The following FSTL5 variants were observed in gnomAD, a reference collection of about 807,000 sequenced individuals.
The protein encoded by FSTL5 is follistatin like 5, also known as follistatin-related protein 5.
Under a neutral mutation model 89.1 loss-of-function variants are expected in FSTL5, and 62 were observed. That is an observed-to-expected ratio of 0.70 (90% CI 0.57 to 0.86). The LOEUF is 0.86. FSTL5 is among the 40% of genes least tolerant of loss of function. The pLI is 0.00. For missense variants in FSTL5, 1,057 were observed against 1,001.6 expected (o/e 1.06, Z -0.75); for synonymous variants, 383 against 346.2 (o/e 1.11, Z -1.18).
intron 8 of FSTL5, among the ~76,000 whole-genome samples, chr4:161,585,829 T>A (rs1029068431): frequency 6.6e-6 from 1 of 152,156 alleles, no homozygotes; most frequent in African/African-American, 2.4e-5. Context: ...AGATTGTGTA[T>A]CAGCAGGTAC....
At chr4:161,988,244 C>A (rs887517502) in intron 3 of FSTL5, among the ~76,000 whole-genome samples, 1 of 151,830 alleles carries the variant, frequency 6.6e-6, no homozygotes, top group African/African-American at 2.4e-5. Context: ...CTGGAAATCA[C>A]AAAACATGAG....
At chr4:162,045,372 T>A (rs1158141411) in intron 2 of FSTL5, among the ~76,000 whole-genome samples, 1 of 152,070 alleles carries the variant, frequency 6.6e-6, no homozygotes, top group Non-Finnish European at 1.5e-5. Context: ...ATCATAAAGG[T>A]GCAGTTCAGT....
intron 6 of FSTL5, among the ~76,000 whole-genome samples, chr4:161,664,565 A>AT (rs969765737): frequency 6.6e-6 from 1 of 152,068 alleles, no homozygotes; most frequent in Non-Finnish European, 1.5e-5. Context: ...CACCATCAGC[A>AT]TTTTTGTCAA....
At chr4:161,487,751 T>C (rs1560919646) in intron 12 of FSTL5, among the ~76,000 whole-genome samples, 1 of 152,088 alleles carries the variant, frequency 6.6e-6, no homozygotes, top group African/African-American at 2.4e-5. Flanking sequence ...TCTGAGTCTA[T>C]TGCTGTAAAT....
intron 15 of FSTL5, 45 bp downstream of exon 15, chr4:161,454,959 T>C (rs1733296725): frequency 1.3e-6 from 2 of 1,569,908 alleles, no homozygotes; most frequent in Admixed American, 1.7e-5. Flanking sequence ...TCTATTATAA[T>C]AGAGACAAAT....
In FSTL5 at chr4:161,984,862, G is replaced by C. The variant is rs541980650; in HGVS notation, c.160+48763C>G. Among the ~76,000 whole-genome samples the C allele has an allele frequency of 2.0e-5, 3 of 152,080 alleles. No homozygotes were observed. In the South Asian group the frequency reaches 6.2e-4, roughly 32 times the overall value. ...TAGTTTTTTAAAATTCAGATTCCTT[G>C]GCCCTAGTCAGAACCACTAAATCAA... is the stretch of plus-strand genomic sequence containing the variant. On this transcript the variant is annotated intron_variant, in intron 3 of 15. Transcript: ENST00000306100.
chr4:161,442,579 C>A (rs1732810165), intron 15 of FSTL5, among the ~76,000 whole-genome samples: 1 of 152,036 alleles, frequency 6.6e-6, no homozygotes, highest in South Asian at 2.1e-4. Context: ...GTAAATTTTT[C>A]TTTTATGAAG....
intron 15 of FSTL5, among the ~76,000 whole-genome samples, chr4:161,436,702 T>C (rs534550279): frequency 1.3e-5 from 2 of 152,328 alleles, no homozygotes; most frequent in Admixed American, 1.3e-4. Context: ...AAACCCTTCA[T>C]CTATGCCTAT....
intron 6 of FSTL5, among the ~76,000 whole-genome samples, chr4:161,657,883 C>T (rs903003428): frequency 1.3e-5 from 2 of 152,130 alleles, no homozygotes; most frequent in Non-Finnish European, 2.9e-5. Flanking sequence ...TACTCACACT[C>T]CTATTCTGTT....
chr4:161,449,261 TAATC>T (rs566266143), intron 15 of FSTL5, among the ~76,000 whole-genome samples: 5 of 152,250 alleles, frequency 3.3e-5, no homozygotes, highest in South Asian at 4.1e-4. Context: ...AGACACTACA[TAATC>T]AACCAATGAA....
chr4:161,467,496 G>A (rs892293942), intron 13 of FSTL5, among the ~76,000 whole-genome samples: 14 of 152,042 alleles, frequency 9.2e-5, no homozygotes, highest in Non-Finnish European at 1.6e-4. Flanking sequence ...TATACACTTA[G>A]GTTACTAGGA....
intron 6 of FSTL5, among the ~76,000 whole-genome samples, chr4:161,717,966 C>A (rs556702487): frequency 6.6e-6 from 1 of 152,058 alleles, no homozygotes; most frequent in African/African-American, 2.4e-5. Context: ...TATGTGCAGT[C>A]ACTTATTGTA....
rs1732948140 is a variant in FSTL5, at chr4:162,145,720, G to A, written c.-17+17895C>T. On this transcript the variant is annotated intron_variant, in intron 1 of 15. Transcript: ENST00000306100. ...AGTCACATGGCCATACCTAACATAG[G>A]AAGAATTAGGATAATATTTCCATAT... Among the ~76,000 whole-genome samples the A allele has an allele frequency of 2.6e-5, 4 of 152,090 alleles. No homozygotes were observed. The South Asian group carries it at 8.3e-4, about 31-fold the overall frequency.
chr4:162,011,901 T>C (rs1023940951), intron 3 of FSTL5, among the ~76,000 whole-genome samples: 2 of 152,186 alleles, frequency 1.3e-5, no homozygotes, highest in Non-Finnish European at 2.9e-5. Context: ...AAACCTGCTA[T>C]TTATTATTCT....
At chr4:161,437,295 A>G (rs150096986) in intron 15 of FSTL5, among the ~76,000 whole-genome samples, 2,312 of 152,150 alleles carry the variant, frequency 0.015, 54 homozygotes, top group African/African-American at 0.052. Flanking sequence ...GGCAGGGCGC[A>G]GTGGCTCACG....
intron 4 of FSTL5, among the ~76,000 whole-genome samples, chr4:161,828,025 T>C (rs190977525): frequency 6.6e-6 from 1 of 152,304 alleles, no homozygotes; most frequent in Non-Finnish European, 1.5e-5. Flanking sequence ...AAGTTTCCTT[T>C]ATCATGTGGA....
chr4:161,946,918 G>C (rs993599966), intron 3 of FSTL5, among the ~76,000 whole-genome samples: 3 of 152,114 alleles, frequency 2.0e-5, no homozygotes, highest in Admixed American at 6.6e-5. Context: ...AGCCACTGTA[G>C]TGGATGTGGC....
chr4:161,942,714 T>C (rs1734621758), intron 3 of FSTL5, among the ~76,000 whole-genome samples: 1 of 152,168 alleles, frequency 6.6e-6, no homozygotes, highest in African/African-American at 2.4e-5. Context: ...ATATTCTTTA[T>C]GAATATAGAT....
chr4:161,912,870 G>A (rs1733735508), intron 4 of FSTL5, among the ~76,000 whole-genome samples: 2 of 152,206 alleles, frequency 1.3e-5, no homozygotes, highest in African/African-American at 2.4e-5. Flanking sequence ...GATCCAGACT[G>A]AGGTGGTCTC....
Sources: allele counts gnomAD v4.1 joint callset (sites outside exome capture counted in the v4.1 genomes callset), GRCh38; gene constraint gnomAD v4.1.1; transcripts MANE v1.5; gene names NCBI Gene and HGNC (gene_info 2026-07-23, HGNC 2026-07-21).